EXOC6: variants seen among roughly 807,000 people sequenced by gnomAD.
EXOC6 encodes exocyst complex component 6.
A neutral mutation model predicts 112.5 loss-of-function variants in EXOC6; 60 were observed. The ratio of observed to expected loss-of-function variants is 0.53; its 90% CI spans 0.43 to 0.66. EXOC6 has a LOEUF of 0.66. Among genes scored for constraint, EXOC6 ranks in the 30% least tolerant of loss-of-function variants. The probability of loss-of-function intolerance (pLI) is 0.00; values close to 1 mark genes in which losing one functional copy is unlikely to be tolerated. For missense variants in EXOC6, 855 were observed against 957.1 expected (o/e 0.89, Z 1.41); for synonymous variants, 295 against 308.0 (o/e 0.96, Z 0.44).
chr10:92,840,791 G>A (rs1051087086), intron 1 of EXOC6, among the ~76,000 whole-genome samples: 1 of 151,816 alleles, frequency 6.6e-6, no homozygotes, highest in South Asian at 2.1e-4. Context: ...TTGAGTAGCT[G>A]GAACCACAGG....
rs1234892792 is a variant in EXOC6, at chr10:92,848,596, C to T, written c.63C>T (p.Ile21=). 6.2e-6 allele frequency: 9 copies of T among 1,452,622 alleles called. No homozygotes were observed. The East Asian group carries it at 2.3e-4, about 37-fold the overall frequency. The allele number at this position is 1,452,622 out of a possible 1,614,324, so 90.0% of individuals were successfully genotyped here. The change falls in exon 1 of 22, where the codon ATC becomes ATT. Residue 21 remains isoleucine (I), a synonymous_variant. Transcript: ENST00000260762. ...AGCACGAGCGGATCTTGCAGGAGATCGAGAGCACCGACACCGCCTGTGTGG... is the reference window on the plus strand; with the variant it reads ...AGCACGAGCGGATCTTGCAGGAGATTGAGAGCACCGACACCGCCTGTGTGG... ...VPEHERILQE[I]ESTDTACVGP...
intron 20 of EXOC6, among the ~76,000 whole-genome samples, chr10:93,015,518 G>C (rs914462086): frequency 5.3e-5 from 8 of 152,172 alleles, no homozygotes; most frequent in African/African-American, 1.9e-4. Context: ...TGGATCACAA[G>C]GTCAGGAGAT....
intron 19 of EXOC6, among the ~76,000 whole-genome samples, chr10:93,008,344 G>A (rs548921069): frequency 3.0e-4 from 46 of 152,252 alleles, no homozygotes; most frequent in African/African-American, 1.0e-3. Flanking sequence ...TTCATAGTCT[G>A]GAAATGATTT....
chr10:92,976,659 A>T (rs186339644), intron 18 of EXOC6, among the ~76,000 whole-genome samples: 7 of 144,980 alleles, frequency 4.8e-5, no homozygotes, highest in African/African-American at 1.3e-4. Flanking sequence ...AATGATCAGT[A>T]AAAAAAAAAA....
intron 1 of EXOC6, among the ~76,000 whole-genome samples, chr10:92,860,513 G>A (rs1386801306): frequency 3.3e-5 from 5 of 151,814 alleles, no homozygotes; most frequent in Non-Finnish European, 5.9e-5. Flanking sequence ...CACCCGCCTC[G>A]GCCTCCCAAA....
At chr10:93,003,372 C>G (rs868169500) in intron 19 of EXOC6, among the ~76,000 whole-genome samples, 4 of 151,946 alleles carry the variant, frequency 2.6e-5, no homozygotes, top group African/African-American at 7.3e-5. Context: ...TGTTTTTGTT[C>G]GTTTTATTTT....
chr10:92,959,249 T>C (rs1346709434), intron 17 of EXOC6, among the ~76,000 whole-genome samples: 2 of 152,186 alleles, frequency 1.3e-5, no homozygotes, highest in Non-Finnish European at 2.9e-5. Context: ...TAATAAAATG[T>C]AGCAAAGATA....
intron 1 of EXOC6, among the ~76,000 whole-genome samples, chr10:92,856,481 A>T (rs776137196): frequency 5.3e-5 from 8 of 152,056 alleles, no homozygotes; most frequent in Non-Finnish European, 1.0e-4. Flanking sequence ...CTTAATTTCA[A>T]CATATTTGTG....
intron 1 of EXOC6, among the ~76,000 whole-genome samples, chr10:92,870,564 A>G (rs1490084695): frequency 2.6e-5 from 4 of 152,154 alleles, no homozygotes; most frequent in African/African-American, 9.7e-5. Context: ...GATATTTATA[A>G]GTGAGATTAC....
intron 17 of EXOC6, among the ~76,000 whole-genome samples, chr10:92,964,845 G>A (rs1014624297): frequency 1.3e-5 from 2 of 152,130 alleles, no homozygotes; most frequent in South Asian, 2.1e-4. Flanking sequence ...CTCATCGTCA[G>A]ACTACTTATA....
At position 92,956,559 on chromosome 10, in the gene EXOC6, G is replaced by T. The variant is rs536979650; in HGVS notation, c.1773+845G>T. On this transcript the variant is annotated intron_variant, in intron 17 of 21. Transcript: ENST00000260762. ...GTTAACATTTAACCATATGTTGCAAGTGTGAAGTCCACAAACAACCCTGGG... is the reference window on the plus strand; with the variant it reads ...GTTAACATTTAACCATATGTTGCAATTGTGAAGTCCACAAACAACCCTGGG... 2.6e-5 allele frequency among the ~76,000 whole-genome samples: 4 copies of T among 152,198 alleles called. No homozygotes were observed. In the South Asian group the frequency reaches 8.3e-4, roughly 32 times the overall value.
At chr10:93,045,077 T>C (rs544946726) in intron 20 of EXOC6, among the ~76,000 whole-genome samples, 1 of 152,214 alleles carries the variant, frequency 6.6e-6, no homozygotes, top group African/African-American at 2.4e-5. Context: ...TTCGCCATGT[T>C]GGCCAGGCTA....
chr10:92,831,415 T>A (rs1846475237), upstream of EXOC6: 5 of 933,010 alleles, frequency 5.4e-6, no homozygotes, highest in Non-Finnish European at 7.3e-6. Flanking sequence ...AGTATTCTTC[T>A]ATACTATATT....
chr10:93,012,466 A>G (rs17108050), intron 19 of EXOC6, among the ~76,000 whole-genome samples: 12,202 of 152,292 alleles, frequency 0.08, 553 homozygotes, highest in Admixed American at 0.14. Context: ...ATTACGATAC[A>G]TTTTAGAATT....
intron 5 of EXOC6, among the ~76,000 whole-genome samples, chr10:92,904,344 A>C (rs1240129421): frequency 6.6e-6 from 1 of 152,042 alleles, no homozygotes; most frequent in Non-Finnish European, 1.5e-5. Flanking sequence ...ATCATATGGT[A>C]AGACTATGTT....
intron 12 of EXOC6, 62 bp from the exon 13 acceptor site, chr10:92,940,665 A>G: frequency 7.2e-6 from 8 of 1,107,968 alleles, no homozygotes; most frequent in Middle Eastern, 2.5e-4. Context: ...AGTATTCCCA[A>G]CATTTTTAAT....
intron 9 of EXOC6, 21 bp downstream of exon 9, chr10:92,928,443 A>T (rs1851842049): frequency 6.7e-7 from 1 of 1,486,168 alleles, no homozygotes. Flanking sequence ...GATATTTTGA[A>T]TTGGTTATGT....
chr10:93,051,545 A>G (rs1846292193), intron 20 of EXOC6, among the ~76,000 whole-genome samples: 1 of 152,218 alleles, frequency 6.6e-6, no homozygotes, highest in Non-Finnish European at 1.5e-5. Flanking sequence ...TCTGACTGCT[A>G]CTTAAAATTC....
At chr10:92,979,231 G>C (rs1445895423) in intron 18 of EXOC6, among the ~76,000 whole-genome samples, 1 of 152,140 alleles carries the variant, frequency 6.6e-6, no homozygotes, top group Admixed American at 6.5e-5. Context: ...TGCAATCTTG[G>C]CTCACTGCAG....
Sources: gnomAD v4.1 joint callset for allele counts (sites outside exome capture counted in the v4.1 genomes callset) on GRCh38, gnomAD v4.1.1 for gene constraint, MANE v1.5 for transcripts, NCBI Gene and HGNC (gene_info 2026-07-23, HGNC 2026-07-21) for gene names.